The following GNA14 variants were observed in gnomAD, a reference collection of about 807,000 sequenced individuals.
The protein encoded by GNA14 is guanine nucleotide-binding protein subunit alpha-14.
In GNA14, 50 loss-of-function variants were observed where a neutral mutation model predicts 42.0. That is an observed-to-expected ratio of 1.19 (90% confidence interval 0.95 to 1.51). The LOEUF is 1.51. GNA14 is among the 40% of genes most tolerant of loss of function. The pLI, the probability that GNA14 is intolerant of heterozygous loss-of-function variation, is 0.00. For missense variants in GNA14, 473 were observed against 446.2 expected (o/e 1.06, Z -0.54); for synonymous variants, 173 against 163.1 (o/e 1.06, Z -0.46).
intron 1 of GNA14, among the ~76,000 whole-genome samples, chr9:77,558,341 GAC>G (rs1822823716): frequency 6.6e-6 from 1 of 152,120 alleles, no homozygotes; most frequent in Non-Finnish European, 1.5e-5. Context: ...GCAAAATGTT[GAC>G]AGTTACTAAG....
In GNA14 at chr9:77,424,041, C is replaced by G. The variant is rs1564009477; in HGVS notation, c.1006G>C (p.Val336Leu). The G allele has an allele frequency of 6.2e-7, 1 of 1,611,000 alleles. No homozygotes were observed. Among genetic ancestry groups the G allele is most frequent in the Admixed American group, 1.7e-5 (1 of 59,662 alleles). Residue 336 changes from valine to leucine, a missense_variant, in exon 7 of 7, where the codon GTG becomes CTG. Val to Leu is a conservative substitution (Grantham distance 32). Transcript: ENST00000341700. ...CATDTDNIRFVFAAVKDTILQ... is the reference protein window; with the variant it reads ...CATDTDNIRFLFAAVKDTILQ... Reference sequence around the variant, plus strand: ...ATTGTGTCTTTGACAGCAGCAAACACAAAGCGAATATTGTCTGTATCTGTA... The same window carrying G: ...ATTGTGTCTTTGACAGCAGCAAACAGAAAGCGAATATTGTCTGTATCTGTA...
chr9:77,437,611 A>AAGGGAAGCAAAGCAAAGGT (rs1835659701), intron 2 of GNA14, among the ~76,000 whole-genome samples: 10 of 151,800 alleles, frequency 6.6e-5, no homozygotes, highest in Non-Finnish European at 1.5e-5. Flanking sequence ...AAAGCAAAGG[A>AAGGGAAGCAAAGCAAAGGT]AAGGAAGGGA....
intron 2 of GNA14, among the ~76,000 whole-genome samples, chr9:77,501,421 T>C (rs1471866807): frequency 6.6e-6 from 1 of 152,220 alleles, no homozygotes; most frequent in East Asian, 1.9e-4. Flanking sequence ...AATACCTCAT[T>C]GTGATTTTAA....
intron 1 of GNA14, among the ~76,000 whole-genome samples, chr9:77,573,627 G>T (rs769923487): frequency 6.6e-6 from 1 of 152,160 alleles, no homozygotes; most frequent in Non-Finnish European, 1.5e-5. Context: ...GGCAAAGGAT[G>T]AGCAATACAC....
intron 1 of GNA14, among the ~76,000 whole-genome samples, chr9:77,593,555 T>G (rs983529111): frequency 6.6e-6 from 1 of 152,092 alleles, no homozygotes; most frequent in African/African-American, 2.4e-5. Flanking sequence ...GGTGATCCAC[T>G]CACCTCAGCC....
chr9:77,569,625 A>C (rs1823028984), intron 1 of GNA14, among the ~76,000 whole-genome samples: 1 of 152,186 alleles, frequency 6.6e-6, no homozygotes, highest in African/African-American at 2.4e-5. Context: ...GGTGGAAAGA[A>C]GAAAGAGCCC....
chr9:77,618,599 TA>T (rs1564067753), intron 1 of GNA14, among the ~76,000 whole-genome samples: 247 of 11,682 alleles, frequency 0.021, 16 homozygotes, highest in African/African-American at 0.058. Context: ...TATATATATA[TA>T]TATATATATA....
intron 1 of GNA14, among the ~76,000 whole-genome samples, chr9:77,604,455 A>G (rs188565218): frequency 6.6e-6 from 1 of 152,328 alleles, no homozygotes; most frequent in Non-Finnish European, 1.5e-5. Context: ...TTCCTTACAC[A>G]TGCTGTCACT....
At chr9:77,552,126 CAAAAAAA>C (rs34493872) in intron 1 of GNA14, among the ~76,000 whole-genome samples, 21 of 85,092 alleles carry the variant, frequency 2.5e-4, no homozygotes, top group South Asian at 1.7e-3. Context: ...AACTCCATCT[CAAAAAAA>C]AAAAAAAAAA....
At chr9:77,459,773 CCA>C (rs1237892348) in intron 2 of GNA14, among the ~76,000 whole-genome samples, 1 of 152,142 alleles carries the variant, frequency 6.6e-6, no homozygotes, top group Non-Finnish European at 1.5e-5. Flanking sequence ...TTATTTGACC[CCA>C]GACTCCCCTG....
intron 2 of GNA14, among the ~76,000 whole-genome samples, chr9:77,443,003 T>A (rs1013487): frequency 0.012 from 1,790 of 152,262 alleles, 39 homozygotes; most frequent in African/African-American, 0.041. Flanking sequence ...TGGAAAAATA[T>A]AGCAGCTCTA....
intron 2 of GNA14, among the ~76,000 whole-genome samples, chr9:77,474,030 T>C (rs1221158656): frequency 1.3e-5 from 2 of 152,164 alleles, no homozygotes; most frequent in African/African-American, 2.4e-5. Context: ...TTATCTAAAC[T>C]GAAGAGCTAA....
chr9:77,466,335 G>A (rs764020238), intron 2 of GNA14, among the ~76,000 whole-genome samples: 4 of 151,940 alleles, frequency 2.6e-5, no homozygotes, highest in South Asian at 2.1e-4. Flanking sequence ...ATAATCTCTC[G>A]TTATCTCTCT....
intron 1 of GNA14, among the ~76,000 whole-genome samples, chr9:77,569,527 T>C (rs1008479515): frequency 1.3e-5 from 2 of 152,108 alleles, no homozygotes; most frequent in African/African-American, 4.8e-5. Context: ...CCCAGGAGCT[T>C]ACAAAACGGT....
intron 2 of GNA14, among the ~76,000 whole-genome samples, chr9:77,469,529 A>C (rs192869849): frequency 1.2e-3 from 135 of 109,826 alleles, no homozygotes; most frequent in African/African-American, 6.7e-3. Flanking sequence ...GAAAAGACTG[A>C]CAACCAAAAA....
At chr9:77,456,099 A>C (rs540341750) in intron 2 of GNA14, among the ~76,000 whole-genome samples, 5 of 152,370 alleles carry the variant, frequency 3.3e-5, no homozygotes, top group African/African-American at 1.2e-4. Flanking sequence ...AAGCATGATC[A>C]TATATGATCT....
At chr9:77,513,065 T>TA (rs575279730) in intron 2 of GNA14, among the ~76,000 whole-genome samples, 437 of 152,328 alleles carry the variant, frequency 2.9e-3, no homozygotes, top group Non-Finnish European at 5.3e-3. Context: ...ACCCCTTGTG[T>TA]AAATATTGAT....
chr9:77,591,660 G>A (rs1021033090), intron 1 of GNA14, among the ~76,000 whole-genome samples: 6 of 152,288 alleles, frequency 3.9e-5, no homozygotes, highest in South Asian at 2.1e-4. Context: ...AGCATAGTGC[G>A]TGGCTCTCTT....
intron 1 of GNA14, among the ~76,000 whole-genome samples, chr9:77,623,509 C>T (rs1045497856): frequency 1.5e-4 from 23 of 152,196 alleles, no homozygotes; most frequent in African/African-American, 5.1e-4. Context: ...CAGCTCCTGT[C>T]TGCAGCTCCC....
Sources: allele counts gnomAD v4.1 joint callset (sites outside exome capture counted in the v4.1 genomes callset), GRCh38; gene constraint gnomAD v4.1.1; transcripts MANE v1.5; gene names NCBI Gene and HGNC (gene_info 2026-07-23, HGNC 2026-07-21).